Variants in SHOX observed in about 807,000 individuals in gnomAD.
SHOX encodes SHOX homeobox, also known as short stature homeobox protein.
A neutral mutation model predicts 29.6 loss-of-function variants in SHOX; 12 were observed. That is an observed-to-expected ratio of 0.41 (90% CI 0.26 to 0.66). The LOEUF (loss-of-function observed/expected upper bound fraction) is 0.66. SHOX is among the 30% of genes least tolerant of loss of function. The probability of loss-of-function intolerance (pLI) is 0.35; values close to 1 mark genes in which losing one functional copy is unlikely to be tolerated. For synonymous variants in SHOX, 214 were observed against 200.6 expected (o/e 1.07, Z -0.57); for missense variants, 499 against 437.7 (o/e 1.14, Z -1.25).
At chrX:633,789 G>A (rs1282899555) in intron 1 of SHOX, among the ~76,000 whole-genome samples, 2 of 152,134 alleles carry the variant, frequency 1.3e-5, no homozygotes, top group South Asian at 2.1e-4. Context: ...TTGAAGGGGA[G>A]CGAGGGAGAC....
At chrX:629,433 TTC>T (rs1402500258), upstream of SHOX, among the ~76,000 whole-genome samples, 6 of 145,392 alleles carry the variant, frequency 4.1e-5, no homozygotes, top group African/African-American at 1.5e-4. Flanking sequence ...CTCTGTCTCT[TTC>T]TCTGTCTCCA....
rs1398738646 is a variant in SHOX at position 645,388 on chromosome X, G to GTTT, written c.*753_*754insTTT. ...TTGGGTCTGGTTTTGTTTTGGATTGGTATTTTTTTTTTTTTTTTTTTTTTT... is the reference window on the plus strand; with the variant it reads ...TTGGGTCTGGTTTTGTTTTGGATTGGTTTTATTTTTTTTTTTTTTTTTTTTTTT... On this transcript the variant is annotated 3_prime_UTR_variant, in exon 5 of 5. Coordinates refer to ENST00000686671, the MANE Select transcript of SHOX (RefSeq NM_000451.4). 157 of 77,694 alleles carry GTTT rather than the reference G, an allele frequency of 2.0e-3. 2 individuals carry two copies. Among genetic ancestry groups the GTTT allele is most frequent in the East Asian group, 3.2e-3 (6 of 1,894 alleles). 4.8% of individuals were successfully genotyped at this position (77,694 alleles called of 1,614,324 possible).
In SHOX at chrX:649,345, T is replaced by C. The variant is rs1270168014; in HGVS notation, c.*4709T>C. Among the ~76,000 whole-genome samples, 2 of 152,142 alleles carry C rather than the reference T, an allele frequency of 1.3e-5. No individual in the cohort carries two copies. Among genetic ancestry groups the C allele is most frequent in the Non-Finnish European group, 2.9e-5 (2 of 68,030 alleles). On this transcript the variant is annotated 3_prime_UTR_variant, in exon 5 of 5. Transcript: ENST00000686671. The stretch of plus-strand genomic sequence containing the variant: ...GAGGCACCGCGCCCGGCCTCCTCTC[T>C]CTTTTTCTGAGATGTTTAGGAAGGA...
intron 5 of SHOX, chrX:658,759 T>C (rs764051744): frequency 1.1e-3 from 428 of 392,378 alleles, no homozygotes; most frequent in Admixed American, 8.5e-4. Context: ...CGTGAGCCAC[T>C]GCACTTGGCC....
Position 634,812 on chromosome X carries a change from G to C in SHOX, c.472G>C (p.Glu158Gln). ...EELSQRLGLS[E>Q]ARVQVWFQNR... is the part of the protein sequence containing the mutation. ...GCTCAGCCAGCGCCTGGGGCTCTCC[G>C]AGGCGCGCGTGCAGGTAGGAACCCG... Residue 158 changes from glutamate to glutamine, a missense_variant, in exon 2 of 5, where the codon GAG (glutamate) becomes CAG (glutamine). Physicochemically the swap from Glu to Gln is conservative, Grantham distance 29 (BLOSUM62 2). Coordinates refer to ENST00000686671, the MANE Select transcript of SHOX (RefSeq NM_000451.4). 2 of 1,574,762 alleles carry C rather than the reference G, an allele frequency of 1.3e-6. No homozygotes were observed. The highest frequency in any genetic ancestry group is 1.7e-6 in the Non-Finnish European group (2 of 1,160,482).
Position 650,421 on chromosome X carries a change from C to T in SHOX, c.*5785C>T, listed in dbSNP as rs1295042583. ...CTGGTCTTGCTGCTGTCCTTGGCCA[C>T]GTCAGCACGTGGGAGCATCTGTGGA... On this transcript the variant is annotated 3_prime_UTR_variant, in exon 5 of 5. Transcript: ENST00000686671. Among the ~76,000 whole-genome samples the T allele has an allele frequency of 6.6e-6, 1 of 152,090 alleles. No homozygotes were observed. Among genetic ancestry groups the T allele is most frequent in the African/African-American group, 2.4e-5 (1 of 41,408 alleles).
intron 5 of SHOX, among the ~76,000 whole-genome samples, chrX:656,830 A>G (rs79564668): frequency 0.59 from 40,719 of 68,992 alleles, 11,823 homozygotes; most frequent in East Asian, 0.74. Context: ...GCCACAGAGC[A>G]AGACTCCGTC....
At chrX:630,598 C>CAAGGTGT (rs2052629689), upstream of SHOX, 1 of 544,568 alleles carries the variant, frequency 1.8e-6, no homozygotes, top group African/African-American at 1.9e-5. Context: ...CCCTTCGCAC[C>CAAGGTGT]AAGGTGTACG....
chrX:633,809 T>C (rs977226684), intron 1 of SHOX, among the ~76,000 whole-genome samples: 2 of 152,064 alleles, frequency 1.3e-5, no homozygotes, highest in Non-Finnish European at 2.9e-5. Context: ...CACCTTTTAC[T>C]TAAACCCCTG....
rs1300849853 is a variant in SHOX at position 645,748 on chromosome X, A to T, written c.*1112A>T. ...TAAAAGAGGGCACGGTGGTGCCAAG[A>T]TATCAGTTTGGTACCTGAGCTGTTT... On this transcript the variant is annotated 3_prime_UTR_variant, in exon 5 of 5. Transcript: ENST00000686671. 6.6e-6 allele frequency: 1 copy of T among 152,160 alleles called. No homozygotes were observed. The highest frequency in any genetic ancestry group is 2.4e-5 in the African/African-American group (1 of 41,438). 9.4% of individuals were successfully genotyped at this position (152,160 alleles called of 1,614,324 possible).
chrX:651,254 C>T lies in SHOX; in HGVS notation c.*6618C>T, dbSNP rs760718007. On this transcript the variant is annotated 3_prime_UTR_variant, in exon 5 of 5. Coordinates refer to ENST00000686671, the MANE Select transcript of SHOX (RefSeq NM_000451.4). ...CCCCCATTGACGACATAGCGGCCCC[C>T]GCGTCCGGGTTACAAATACATCTAC... 2.4e-5 allele frequency: 11 copies of T among 454,134 alleles called. No individual in the cohort carries two copies. The East Asian group carries it at 4.9e-4, about 20-fold the overall frequency. 28.1% of individuals were successfully genotyped at this position (454,134 alleles called of 1,614,324 possible).
At chrX:655,631 T>C (rs1486006961), downstream of SHOX, among the ~76,000 whole-genome samples, 33 of 42,026 alleles carry the variant, frequency 7.9e-4, 1 homozygote, top group Non-Finnish European at 9.6e-5. Context: ...TATATATATA[T>C]ATATATATAT....
At chrX:655,704 C>T (rs1277901149), downstream of SHOX, among the ~76,000 whole-genome samples, 4 of 147,384 alleles carry the variant, frequency 2.7e-5, no homozygotes, top group Admixed American at 1.4e-4. Context: ...TGGTTTTCCC[C>T]TTGGGAAAGT....
intron 2 of SHOX, among the ~76,000 whole-genome samples, chrX:638,407 G>C (rs1011100989): frequency 2.0e-5 from 3 of 152,120 alleles, no homozygotes; most frequent in Non-Finnish European, 4.4e-5. Flanking sequence ...GGAGAGTCCA[G>C]GTGGGCATGG....
chrX:644,260 C>G lies in SHOX; in HGVS notation c.634-131C>G, dbSNP rs1202617062. 4 of 1,221,450 alleles carry G rather than the reference C, an allele frequency of 3.3e-6. No individual in the cohort carries two copies. The African/African-American group carries it at 6.4e-5, about 19-fold the overall frequency. The allele number at this position is 1,221,450 out of a possible 1,614,324, so 75.7% of individuals were successfully genotyped here. On this transcript the variant is annotated intron_variant, in intron 4 of 4. Coordinates refer to ENST00000686671, the MANE Select transcript of SHOX (RefSeq NM_000451.4). ...GGAGGAAAGGCGGGTGTGGGGTGGT[C>G]TCCACGGCTGGAGAAGGGGCGACGC...
intron 4 of SHOX, 73 bp from the exon 5 acceptor site, chrX:644,318 C>T (rs2052923899): frequency 6.9e-7 from 1 of 1,442,790 alleles, no homozygotes; most frequent in Non-Finnish European, 9.1e-7. Context: ...TTGGAGGTTT[C>T]CGGGGGCGCG....
chrX:639,254 C>T (rs1158363596), intron 2 of SHOX, among the ~76,000 whole-genome samples: 1 of 152,200 alleles, frequency 6.6e-6, no homozygotes, highest in Non-Finnish European at 1.5e-5. Flanking sequence ...GGGCAGAATG[C>T]CCCCACCACA....
At chrX:656,711 C>T (rs1278853470) in intron 5 of SHOX, among the ~76,000 whole-genome samples, 4 of 151,858 alleles carry the variant, frequency 2.6e-5, no homozygotes, top group South Asian at 2.1e-4. Flanking sequence ...GGCGTGGTGG[C>T]GGGCGCCTGT....
chrX:640,125 G>A (rs1386496735), intron 2 of SHOX, among the ~76,000 whole-genome samples: 5 of 151,870 alleles, frequency 3.3e-5, no homozygotes, highest in Admixed American at 6.6e-5. Flanking sequence ...AGGGTGGATC[G>A]CTTGAGGTCA....
Sources: allele counts gnomAD v4.1 joint callset (sites outside exome capture counted in the v4.1 genomes callset), GRCh38; gene constraint gnomAD v4.1.1; transcripts MANE v1.5; gene names NCBI Gene and HGNC (gene_info 2026-07-23, HGNC 2026-07-21).